ACSBG1: variants seen among roughly 807,000 people sequenced by gnomAD.
ACSBG1 encodes the protein long-chain-fatty-acid--CoA ligase ACSBG1.
Under a neutral mutation model 80.2 loss-of-function variants are expected in ACSBG1, and 39 were observed. The observed-to-expected ratio is 0.49, with a 90% confidence interval of 0.38 to 0.64. ACSBG1 has a LOEUF of 0.64. ACSBG1 is among the 30% of genes least tolerant of loss of function. The pLI is 0.00. For missense variants in ACSBG1, 828 were observed against 966.4 expected (o/e 0.86, Z 1.90); for synonymous variants, 392 against 379.5 (o/e 1.03, Z -0.38).
chr15:78,179,815 TCACACA>T (rs58848105), intron 9 of ACSBG1, 35 bp from the exon 10 acceptor site: 240 of 931,552 alleles, frequency 2.6e-4, no homozygotes, highest in East Asian at 3.5e-4. Flanking sequence ...ACAGAAGAAA[TCACACA>T]CACACACACA....
chr15:78,211,379 T>C (rs761781667), intron 1 of ACSBG1, among the ~76,000 whole-genome samples: 3 of 152,228 alleles, frequency 2.0e-5, no homozygotes, highest in Non-Finnish European at 2.9e-5. Flanking sequence ...CTAACATGAT[T>C]AATGACAATA....
intron 1 of ACSBG1, among the ~76,000 whole-genome samples, chr15:78,219,668 A>G (rs776044719): frequency 2.9e-5 from 4 of 136,354 alleles, no homozygotes; most frequent in Non-Finnish European, 6.2e-5. Flanking sequence ...TTGACAAGCT[A>G]GTCCTAAAAT....
intron 1 of ACSBG1, among the ~76,000 whole-genome samples, chr15:78,222,990 C>T (rs934285655): frequency 2.6e-5 from 4 of 152,220 alleles, no homozygotes; most frequent in Non-Finnish European, 4.4e-5. Flanking sequence ...CTTGCCCCAT[C>T]AATAGGTAGA....
intron 1 of ACSBG1, among the ~76,000 whole-genome samples, chr15:78,229,411 G>C (rs1295366144): frequency 6.6e-6 from 1 of 152,212 alleles, no homozygotes; most frequent in Non-Finnish European, 1.5e-5. Context: ...GGACACTTGT[G>C]TTCTTTCAGT....
At chr15:78,197,162 G>A (rs960272735) in intron 2 of ACSBG1, among the ~76,000 whole-genome samples, 15 of 152,096 alleles carry the variant, frequency 9.9e-5, no homozygotes, top group African/African-American at 3.4e-4. Context: ...TCAAAAACAT[G>A]TTCAGTGAAA....
chr15:78,177,247 G>A lies in ACSBG1; in HGVS notation c.1702+1367C>T, dbSNP rs79436092. ...GCCGGATATCTATCCCTGTCATAAA[G>A]CTATAGAAATTAAGACACTGGGTAT... On this transcript the variant is annotated intron_variant, in intron 11 of 13. Coordinates refer to ENST00000258873, the MANE Select transcript of ACSBG1 (RefSeq NM_015162.5). This position sits in a 1 kb window ranked among gnomAD's most constrained non-coding sequence, Gnocchi z 4.1. Among the ~76,000 whole-genome samples the A allele has an allele frequency of 2.1e-3, 327 of 152,302 alleles. 1 individual carries two copies. Among genetic ancestry groups the A allele is most frequent in the African/African-American group, 7.7e-3 (320 of 41,578 alleles).
chr15:78,171,328 G>A lies in ACSBG1; in HGVS notation c.*116C>T, dbSNP rs2074818471. The A allele has an allele frequency of 1.3e-6, 1 of 757,084 alleles. No homozygotes were observed. The highest frequency in any genetic ancestry group is 2.2e-6 in the Non-Finnish European group (1 of 460,626). 46.9% of individuals were successfully genotyped at this position (757,084 alleles called of 1,614,324 possible). On this transcript the variant is annotated 3_prime_UTR_variant, in exon 14 of 14. Transcript: ENST00000258873. ...AGAGCCAGTGCTGTGCCCTGACCTG[G>A]AGATCTAACAGACTTGGCAGAAATG... is the stretch of plus-strand genomic sequence containing the variant.
At chr15:78,190,501 G>T (rs2075047396) in intron 5 of ACSBG1, among the ~76,000 whole-genome samples, 1 of 145,008 alleles carries the variant, frequency 6.9e-6, no homozygotes, top group Admixed American at 6.8e-5. Context: ...AGCCCAGGAG[G>T]TTGAGGCTGC....
intron 10 of ACSBG1, 92 bp downstream of exon 10, chr15:78,179,458 G>C: frequency 8.2e-7 from 1 of 1,226,520 alleles, no homozygotes; most frequent in Non-Finnish European, 1.2e-6. Context: ...GGCATGCAAA[G>C]AGAAGGGGAT....
At chr15:78,202,154 T>C (rs1348020496) in intron 2 of ACSBG1, among the ~76,000 whole-genome samples, 1 of 152,074 alleles carries the variant, frequency 6.6e-6, no homozygotes, top group South Asian at 2.1e-4. Flanking sequence ...GGAAGGTCCA[T>C]TCTTCCCATT....
intron 5 of ACSBG1, among the ~76,000 whole-genome samples, chr15:78,187,437 C>A (rs1302849415): frequency 6.6e-6 from 1 of 152,136 alleles, no homozygotes; most frequent in African/African-American, 2.4e-5. Flanking sequence ...AAAATACTGG[C>A]AAACCAAATC....
chr15:78,233,230 T>C (rs2141398095), intron 1 of ACSBG1, among the ~76,000 whole-genome samples: 1 of 152,320 alleles, frequency 6.6e-6, no homozygotes, highest in South Asian at 2.1e-4. Context: ...AGTCCCTGCT[T>C]CTGGAAGAAC....
chr15:78,193,864 AG>A, intron 4 of ACSBG1, 67 bp downstream of exon 4: 2 of 1,563,744 alleles, frequency 1.3e-6, no homozygotes, highest in Non-Finnish European at 1.7e-6. Context: ...AAAAGAGATA[AG>A]GACCCTCCCC....
At chr15:78,203,174 A>G (rs1412734672) in intron 2 of ACSBG1, among the ~76,000 whole-genome samples, 2 of 152,198 alleles carry the variant, frequency 1.3e-5, no homozygotes, top group Non-Finnish European at 2.9e-5. Flanking sequence ...TGCTCCACCA[A>G]CAGGGCACAA....
rs933344559 is a variant in ACSBG1 at position 78,178,097 on chromosome 15, C to A, written c.1702+517G>T. 3.3e-5 allele frequency among the ~76,000 whole-genome samples: 5 copies of A among 152,146 alleles called. No homozygotes were observed. The highest frequency in any genetic ancestry group is 7.2e-5 in the African/African-American group (3 of 41,428). ...GGGTGACCTTAGGCAAGTTACTTAA[C>A]CTCTCTGGATGTCCTCATTAGCAAG... On this transcript the variant is annotated intron_variant, in intron 11 of 13. Transcript: ENST00000258873. This position sits in a 1 kb window ranked among gnomAD's most constrained non-coding sequence, Gnocchi z 4.3.
intron 1 of ACSBG1, 75 bp from the exon 2 acceptor site, chr15:78,208,177 T>C: frequency 8.9e-7 from 1 of 1,122,560 alleles, no homozygotes; most frequent in South Asian, 1.3e-5. Flanking sequence ...GACTCCGGCC[T>C]GGCACACATC....
chr15:78,200,984 T>C (rs2075162398), intron 2 of ACSBG1, among the ~76,000 whole-genome samples: 1 of 152,152 alleles, frequency 6.6e-6, no homozygotes, highest in Admixed American at 6.5e-5. Context: ...TCCCTTTGGT[T>C]CCCCGTCTCT....
intron 11 of ACSBG1, among the ~76,000 whole-genome samples, chr15:78,176,929 A>G (rs548774890): frequency 6.6e-6 from 1 of 152,226 alleles, no homozygotes; most frequent in South Asian, 2.1e-4. Flanking sequence ...CCCTGTTTCA[A>G]AAATAAATAA....
chr15:78,169,811 C>A lies in ACSBG1; in HGVS notation c.*1633G>T, dbSNP rs2074796808. 1 of 152,224 alleles carries A rather than the reference C, an allele frequency of 6.6e-6. No individual in the cohort carries two copies. The highest frequency in any genetic ancestry group is 1.5e-5 in the Non-Finnish European group (1 of 68,046). The allele number at this position is 152,224 out of a possible 1,614,324, so 9.4% of individuals were successfully genotyped here. On this transcript the variant is annotated 3_prime_UTR_variant, in exon 14 of 14. Transcript: ENST00000258873. ...ATGAGTTGTCACAGCCTCTGAGCCC[C>A]TGATCTGAAGCCAGAAGGGCTGAGT... is the stretch of plus-strand genomic sequence containing the variant.
Sources: gnomAD v4.1 joint callset for allele counts (sites outside exome capture counted in the v4.1 genomes callset) on GRCh38, gnomAD v4.1.1 for gene constraint, Gnocchi (gnomAD v3.1) non-coding constraint, MANE v1.5 for transcripts, NCBI Gene and HGNC (gene_info 2026-07-23, HGNC 2026-07-21) for gene names.